The following IL2RA variants were observed in gnomAD, a reference collection of about 807,000 sequenced individuals.
The protein encoded by IL2RA is interleukin-2 receptor subunit alpha.
In IL2RA, 24 loss-of-function variants were observed where a neutral mutation model predicts 37.8. The ratio of observed to expected loss-of-function variants is 0.63; its 90% CI spans 0.46 to 0.89. The LOEUF is 0.89. IL2RA is among the 40% of genes least tolerant of loss of function. IL2RA has a pLI of 0.00. For missense variants in IL2RA, 319 were observed against 348.6 expected (o/e 0.92, Z 0.68); for synonymous variants, 125 against 114.6 (o/e 1.09, Z -0.58).
At chr10:6,043,473 C>G (rs1839804231) in intron 1 of IL2RA, among the ~76,000 whole-genome samples, 3 of 151,942 alleles carry the variant, frequency 2.0e-5, no homozygotes, top group African/African-American at 7.3e-5. Context: ...GAGTCTTGCT[C>G]TGTCACCCAG....
In IL2RA at chr10:6,033,532, C is replaced by A. The variant is rs1302378804; in HGVS notation, c.65-7507G>T. Reference sequence around the variant, plus strand: ...GTAGCTTTATTAATAATAACCAACTCAATAATTCAAACATCCATCATTGGG... The same window carrying A: ...GTAGCTTTATTAATAATAACCAACTAAATAATTCAAACATCCATCATTGGG... On this transcript the variant is annotated intron_variant, in intron 1 of 7. Transcript: ENST00000379959. This position sits in a 1 kb window ranked among gnomAD's most constrained non-coding sequence, Gnocchi z 4.3. 6.6e-6 allele frequency among the ~76,000 whole-genome samples: 1 copy of A among 152,018 alleles called. No homozygotes were observed. The highest frequency in any genetic ancestry group is 1.9e-4 in the East Asian group (1 of 5,200).
rs12722572 is a variant in IL2RA, at chr10:6,025,224, C to T, written c.256+610G>A. The stretch of plus-strand genomic sequence containing the variant: ...AAAAAATTAGCCAGGCATGGTGGTG[C>T]ACACCTGTAGTCCCAGCTACTTGGG... On this transcript the variant is annotated intron_variant, in intron 2 of 7. Transcript: ENST00000379959. This position sits in a 1 kb window ranked among gnomAD's most constrained non-coding sequence, Gnocchi z 4.4. Among the ~76,000 whole-genome samples, 2,365 of 149,440 alleles carry T rather than the reference C, an allele frequency of 0.016. 36 individuals are homozygous for T. Among genetic ancestry groups the T allele is most frequent in the South Asian group, 0.029 (135 of 4,688 alleles).
intron 1 of IL2RA, among the ~76,000 whole-genome samples, chr10:6,031,078 G>A (rs1047725258): frequency 6.6e-6 from 1 of 151,932 alleles, no homozygotes; most frequent in Non-Finnish European, 1.5e-5. Flanking sequence ...GAACAGCTAA[G>A]AAACAGATAG....
rs902731115 is a variant in IL2RA, at chr10:6,018,482, C to G, written c.728-363G>C. Among the ~76,000 whole-genome samples, 19 of 152,060 alleles carry G rather than the reference C, an allele frequency of 1.2e-4. No homozygotes were observed. The highest frequency in any genetic ancestry group is 4.4e-4 in the African/African-American group (18 of 41,370). On this transcript the variant is annotated intron_variant, in intron 6 of 7. Coordinates refer to ENST00000379959, the MANE Select transcript of IL2RA (RefSeq NM_000417.3). This position sits in a 1 kb window ranked among gnomAD's most constrained non-coding sequence, Gnocchi z 5.1. Reference sequence around the variant, plus strand: ...CACATTAACATCTCCTGAAAGAGGTCGGGTTTTCCAGATGCTGCTCTGCTG... The same window carrying G: ...CACATTAACATCTCCTGAAAGAGGTGGGGTTTTCCAGATGCTGCTCTGCTG...
intron 1 of IL2RA, among the ~76,000 whole-genome samples, chr10:6,060,030 C>T (rs1391460477): frequency 6.6e-6 from 1 of 152,028 alleles, no homozygotes; most frequent in African/African-American, 2.4e-5. Context: ...TTCCCCTGCT[C>T]CCTCCAAGAC....
intron 1 of IL2RA, among the ~76,000 whole-genome samples, chr10:6,027,445 A>G (rs1411415441): frequency 6.6e-6 from 1 of 152,228 alleles, no homozygotes; most frequent in Non-Finnish European, 1.5e-5. Context: ...GGAACAGGCA[A>G]CATAAGTGCT....
At position 6,033,455 on chromosome 10, in the gene IL2RA, A is replaced by G. The variant is rs1257709388; in HGVS notation, c.65-7430T>C. ...GTGTCTACAGAAAGACTTTTATAAAATATTTATAGTAACTTCTTTCTTTTA... is the reference window on the plus strand; with the variant it reads ...GTGTCTACAGAAAGACTTTTATAAAGTATTTATAGTAACTTCTTTCTTTTA... On this transcript the variant is annotated intron_variant, in intron 1 of 7. Transcript: ENST00000379959. This position sits in a 1 kb window ranked among gnomAD's most constrained non-coding sequence, Gnocchi z 4.3. Among the ~76,000 whole-genome samples, 2 of 152,244 alleles carry G rather than the reference A, an allele frequency of 1.3e-5. No homozygotes were observed. The highest frequency in any genetic ancestry group is 2.9e-5 in the Non-Finnish European group (2 of 68,050).
chr10:6,033,415 G>A lies in IL2RA; in HGVS notation c.65-7390C>T, dbSNP rs1372056099. ...ATTCTACTTCTAGGTATTTATCTAA[G>A]AGGAATGAAGGGATGTGTCTACAGA... On this transcript the variant is annotated intron_variant, in intron 1 of 7. Coordinates refer to ENST00000379959, the MANE Select transcript of IL2RA (RefSeq NM_000417.3). This position sits in a 1 kb window ranked among gnomAD's most constrained non-coding sequence, Gnocchi z 4.3. Among the ~76,000 whole-genome samples the A allele has an allele frequency of 1.3e-5, 2 of 152,028 alleles. No homozygotes were observed. Among genetic ancestry groups the A allele is most frequent in the African/African-American group, 4.8e-5 (2 of 41,378 alleles).
rs1839205393 is a variant in IL2RA at position 6,012,457 on chromosome 10, T to G, written c.*415A>C. The G allele has an allele frequency of 3.5e-6, 1 of 284,204 alleles. No homozygotes were observed. The highest frequency in any genetic ancestry group is 2.2e-5 in the African/African-American group (1 of 46,252). The allele number at this position is 284,204 out of a possible 1,614,324, so 17.6% of individuals were successfully genotyped here. ...TGTGTGTGTTGTGTATTTACGTTAG[T>G]GCTGGGGCTTTCCTTGGGACTCCTG... On this transcript the variant is annotated 3_prime_UTR_variant, in exon 8 of 8. Transcript: ENST00000379959. This position sits in a 1 kb window ranked among gnomAD's most constrained non-coding sequence, Gnocchi z 4.8.
chr10:6,014,786 A>G lies in IL2RA; in HGVS notation c.795-1890T>C, dbSNP rs35400893. Among the ~76,000 whole-genome samples, 1,435 of 152,200 alleles carry G rather than the reference A, an allele frequency of 9.4e-3. 39 individuals carry two copies. The highest frequency in any genetic ancestry group is 0.032 in the East Asian group (167 of 5,186). ...GAATCATTCCTGCTACAATAACCCTAGGGGGCTTATCATTTGCACTGCAGT... is the reference window on the plus strand; with the variant it reads ...GAATCATTCCTGCTACAATAACCCTGGGGGGCTTATCATTTGCACTGCAGT... On this transcript the variant is annotated intron_variant, in intron 7 of 7. Coordinates refer to ENST00000379959, the MANE Select transcript of IL2RA (RefSeq NM_000417.3). This position sits in a 1 kb window ranked among gnomAD's most constrained non-coding sequence, Gnocchi z 4.4.
rs1840068893 is a variant in IL2RA, at chr10:6,057,762, A to G, written c.64+4326T>C. Reference sequence around the variant, plus strand: ...AAGAGGAGCAGGGAAGGGTGGGAACAGCTGCCACGTTGAGGGACTGCCTGC... The same window carrying G: ...AAGAGGAGCAGGGAAGGGTGGGAACGGCTGCCACGTTGAGGGACTGCCTGC... On this transcript the variant is annotated intron_variant, in intron 1 of 7. Coordinates refer to ENST00000379959, the MANE Select transcript of IL2RA (RefSeq NM_000417.3). The surrounding 1 kb of genome is among the most constrained non-coding windows in gnomAD (Gnocchi z 4.8). Among the ~76,000 whole-genome samples, 1 of 152,214 alleles carries G rather than the reference A, an allele frequency of 6.6e-6. No homozygotes were observed.
rs1839375513 is a variant in IL2RA at position 6,020,948 on chromosome 10, T to TGC, written c.583+529_583+530insGC. ...GCATGAGTATGTGTGTGTGTGTGTG[T>TGC]GTGTGCGCGCATGTGCACTGAGTAA... is the stretch of plus-strand genomic sequence containing the variant. On this transcript the variant is annotated intron_variant, in intron 4 of 7. Transcript: ENST00000379959. This position sits in a 1 kb window ranked among gnomAD's most constrained non-coding sequence, Gnocchi z 5.6. 6.9e-6 allele frequency among the ~76,000 whole-genome samples: 1 copy of TGC among 144,084 alleles called. No individual in the cohort carries two copies. Among genetic ancestry groups the TGC allele is most frequent in the African/African-American group, 2.6e-5 (1 of 38,764 alleles). 94.5% of individuals were successfully genotyped at this position (144,084 alleles called of 152,430 possible). A position where few individuals can be genotyped will look rare whatever the true frequency, so the allele number is the denominator to read the frequency against.
intron 2 of IL2RA, 42 bp from the exon 3 acceptor site, chr10:6,024,396 G>A: frequency 1.4e-6 from 2 of 1,392,162 alleles, no homozygotes; most frequent in African/African-American, 1.4e-5. Context: ...TTTCACAAAT[G>A]CTTCATAGAA....
chr10:6,051,817 CTA>C (rs61008683), intron 1 of IL2RA, among the ~76,000 whole-genome samples: 3,074 of 33,674 alleles, frequency 0.091, 487 homozygotes, highest in Non-Finnish European at 0.14. Context: ...TCATGCCCAG[CTA>C]TATATATATA....
rs542855837 is a variant in IL2RA, at chr10:6,025,151, C to T, written c.256+683G>A. Among the ~76,000 whole-genome samples the T allele has an allele frequency of 3.9e-5, 6 of 151,958 alleles. No homozygotes were observed. The highest frequency in any genetic ancestry group is 2.1e-4 in the South Asian group (1 of 4,810). On this transcript the variant is annotated intron_variant, in intron 2 of 7. Coordinates refer to ENST00000379959, the MANE Select transcript of IL2RA (RefSeq NM_000417.3). This position sits in a 1 kb window ranked among gnomAD's most constrained non-coding sequence, Gnocchi z 4.4. ...GGAGAATCACTTGAGGCCAGGAGTT[C>T]GAGACCAGCCTGGCCAACATGGCGA... is the stretch of plus-strand genomic sequence containing the variant.
intron 1 of IL2RA, among the ~76,000 whole-genome samples, chr10:6,053,239 G>A (rs1341728683): frequency 6.6e-6 from 1 of 152,186 alleles, no homozygotes; most frequent in African/African-American, 2.4e-5. Flanking sequence ...CCCCTTCCTC[G>A]TTGGGCTACA....
rs570468765 is a variant in IL2RA, at chr10:6,038,636, T to C, written c.65-12611A>G. Among the ~76,000 whole-genome samples, 49 of 152,318 alleles carry C rather than the reference T, an allele frequency of 3.2e-4. 1 individual carries two copies. Among genetic ancestry groups the C allele is most frequent in the African/African-American group, 1.2e-3 (48 of 41,564 alleles). ...GCCTTCTAAAAAATCTCACTTTTAC[T>C]TTCAGGAAATTCTTTCAAATAGCAA... On this transcript the variant is annotated intron_variant, in intron 1 of 7. Coordinates refer to ENST00000379959, the MANE Select transcript of IL2RA (RefSeq NM_000417.3).
At position 6,022,974 on chromosome 10, in the gene IL2RA, A is replaced by G. The variant is rs1201283720; in HGVS notation, c.367+1270T>C. Among the ~76,000 whole-genome samples, 1 of 152,260 alleles carries G rather than the reference A, an allele frequency of 6.6e-6. No homozygotes were observed. Among genetic ancestry groups the G allele is most frequent in the African/African-American group, 2.4e-5 (1 of 41,466 alleles). ...AGCATCATGTTGCAACTGTGCCCCT[A>G]GATTAGTCTGTTTTAAAAAATAAAA... On this transcript the variant is annotated intron_variant, in intron 3 of 7. Coordinates refer to ENST00000379959, the MANE Select transcript of IL2RA (RefSeq NM_000417.3). This position sits in a 1 kb window ranked among gnomAD's most constrained non-coding sequence, Gnocchi z 4.7.
intron 1 of IL2RA, among the ~76,000 whole-genome samples, chr10:6,050,042 G>A (rs1839924668): frequency 6.6e-6 from 1 of 152,174 alleles, no homozygotes; most frequent in African/African-American, 2.4e-5. Context: ...GGAGCATGTT[G>A]TGTGCCAGGC....
Sources: gnomAD v4.1 joint callset for allele counts (sites outside exome capture counted in the v4.1 genomes callset) on GRCh38, gnomAD v4.1.1 for gene constraint, Gnocchi (gnomAD v3.1) non-coding constraint, MANE v1.5 for transcripts, NCBI Gene and HGNC (gene_info 2026-07-23, HGNC 2026-07-21) for gene names.